The following UGT1A9 variants were observed in gnomAD, a reference collection of about 807,000 sequenced individuals.
UGT1A9 encodes UDP-glucuronosyltransferase 1A9.
A neutral mutation model predicts 45.0 loss-of-function variants in UGT1A9; 35 were observed. The ratio of observed to expected loss-of-function variants is 0.78; its 90% CI spans 0.59 to 1.03. The LOEUF (loss-of-function observed/expected upper bound fraction) is 1.03. Ranked by LOEUF, UGT1A9 falls within the 50% of genes least tolerant of loss-of-function variation. UGT1A9 has a pLI of 0.00. For missense variants in UGT1A9, 687 were observed against 666.6 expected, an observed-to-expected ratio of 1.03 and a Z score of -0.34; for synonymous variants, 278 against 250.6, an observed-to-expected ratio of 1.11 and a Z score of -1.03.
intron 1 of UGT1A9, among the ~76,000 whole-genome samples, chr2:233,744,623 G>T (rs1465647088): frequency 6.6e-6 from 1 of 151,866 alleles, no homozygotes; most frequent in Admixed American, 6.5e-5. Flanking sequence ...CTATAGAGAG[G>T]TGGATTCTCA....
At chr2:233,682,236 C>T (rs182095678) in intron 1 of UGT1A9, 1 of 1,614,196 alleles carries the variant, frequency 6.2e-7, no homozygotes, top group African/African-American at 1.3e-5. Context: ...CGCTGGACGG[C>T]ACCATTGCGA....
At chr2:233,725,956 A>C (rs1405968247) in intron 1 of UGT1A9, among the ~76,000 whole-genome samples, 2 of 152,278 alleles carry the variant, frequency 1.3e-5, no homozygotes, top group East Asian at 3.9e-4. Flanking sequence ...GTTTGAGCCC[A>C]GGAGTCTGAG....
chr2:233,746,436 G>C (rs1200457799), intron 1 of UGT1A9, among the ~76,000 whole-genome samples: 1 of 151,690 alleles, frequency 6.6e-6, no homozygotes, highest in Non-Finnish European at 1.5e-5. Context: ...TATGTCTTCA[G>C]CTTAAAAAGA....
Position 233,773,149 on chromosome 2 carries a change from G to A in UGT1A9, c.*590G>A, listed in dbSNP as rs1700568248. On this transcript the variant is annotated 3_prime_UTR_variant, in exon 5 of 5. Coordinates refer to ENST00000354728, the MANE Select transcript of UGT1A9 (RefSeq NM_021027.3). ...AAGAATGATGCTATGAAATTGGTGG[G>A]TGGTGTATTTGAGAAGATAATCATT... 1 of 154,230 alleles carries A rather than the reference G, an allele frequency of 6.5e-6. No individual in the cohort carries two copies. The highest frequency in any genetic ancestry group is 6.4e-5 in the Admixed American group (1 of 15,708). The allele number at this position is 154,230 out of a possible 1,614,324, so 9.6% of individuals were successfully genotyped here.
At chr2:233,693,703 A>G (rs1559346623) in intron 1 of UGT1A9, 1 of 1,614,248 alleles carries the variant, frequency 6.2e-7, no homozygotes, top group Non-Finnish European at 8.5e-7. Flanking sequence ...AAGAACTCGC[A>G]TCAGCTGTCC....
intron 1 of UGT1A9, chr2:233,692,749 C>T: frequency 9.0e-7 from 1 of 1,106,820 alleles, no homozygotes; most frequent in Middle Eastern, 3.4e-4. Context: ...GAGAAGCAGA[C>T]TTGTGGAGCT....
At chr2:233,757,625 G>T (rs550855781) in intron 1 of UGT1A9, among the ~76,000 whole-genome samples, 1 of 148,046 alleles carries the variant, frequency 6.8e-6, no homozygotes, top group East Asian at 2.0e-4. Context: ...AAAGATACAA[G>T]GCAGAACAGA....
At chr2:233,759,131 C>G (rs889675688) in intron 1 of UGT1A9, among the ~76,000 whole-genome samples, 5 of 152,174 alleles carry the variant, frequency 3.3e-5, no homozygotes, top group African/African-American at 9.6e-5. Context: ...GCCTCTGGTA[C>G]GCAATGAAGG....
At chr2:233,725,028 T>C (rs2077347799) in intron 1 of UGT1A9, among the ~76,000 whole-genome samples, 1 of 148,182 alleles carries the variant, frequency 6.7e-6, no homozygotes, top group African/African-American at 2.5e-5. Flanking sequence ...AAACCCGGTC[T>C]CCACCAAAAC....
At chr2:233,709,435 T>C (rs1036317154) in intron 1 of UGT1A9, among the ~76,000 whole-genome samples, 9 of 152,210 alleles carry the variant, frequency 5.9e-5, no homozygotes, top group Non-Finnish European at 8.8e-5. Context: ...CCAGAAAGGA[T>C]GACCTGCCGA....
At chr2:233,745,293 G>A (rs759714451) in intron 1 of UGT1A9, among the ~76,000 whole-genome samples, 20 of 151,866 alleles carry the variant, frequency 1.3e-4, no homozygotes, top group African/African-American at 4.4e-4. Flanking sequence ...GGGGATAAAC[G>A]TGGGATGCAG....
intron 1 of UGT1A9, among the ~76,000 whole-genome samples, chr2:233,684,564 A>G (rs758881146): frequency 1.3e-5 from 2 of 152,244 alleles, no homozygotes; most frequent in Non-Finnish European, 2.9e-5. Flanking sequence ...AGAGAGATCT[A>G]TAAAATATGA....
At chr2:233,750,988 G>A (rs946459693) in intron 1 of UGT1A9, among the ~76,000 whole-genome samples, 12 of 151,852 alleles carry the variant, frequency 7.9e-5, no homozygotes, top group Non-Finnish European at 1.3e-4. Context: ...GTGAGAAGGC[G>A]GCCACCATCC....
chr2:233,733,374 C>T (rs1046101046), intron 1 of UGT1A9, among the ~76,000 whole-genome samples: 17 of 152,240 alleles, frequency 1.1e-4, no homozygotes, highest in Middle Eastern at 3.4e-3. Context: ...AGAGGTCATC[C>T]TTGTTTTGTG....
intron 1 of UGT1A9, among the ~76,000 whole-genome samples, chr2:233,695,422 CCTTCTT>C (rs34487948): frequency 6.6e-6 from 1 of 150,952 alleles, no homozygotes; most frequent in African/African-American, 2.4e-5. Flanking sequence ...CCGCGCCCGG[CCTTCTT>C]CTTCTTCTTT....
chr2:233,726,544 G>A (rs543814105), intron 1 of UGT1A9, among the ~76,000 whole-genome samples: 35 of 152,224 alleles, frequency 2.3e-4, no homozygotes, highest in Non-Finnish European at 4.0e-4. Flanking sequence ...GCAGTGCAGC[G>A]TCTTCAAGTC....
chr2:233,740,012 T>A (rs1691282549), intron 1 of UGT1A9, among the ~76,000 whole-genome samples: 1 of 151,864 alleles, frequency 6.6e-6, no homozygotes, highest in African/African-American at 2.4e-5. Flanking sequence ...AAGTGAGTTC[T>A]CATGAGAGCT....
rs538829256 is a variant in UGT1A9 at position 233,747,779 on chromosome 2, T to C, written c.856-19255T>C. 9.3e-4 allele frequency: 1,506 copies of C among 1,613,500 alleles called. 1 individual carries two copies. The highest frequency in any genetic ancestry group is 1.2e-3 in the Non-Finnish European group (1,364 of 1,179,858). On this transcript the variant is annotated intron_variant, in intron 1 of 4. Coordinates refer to ENST00000354728, the MANE Select transcript of UGT1A9 (RefSeq NM_021027.3). ...ACTTTAAGGGCACACAGTGTCCAAA[T>C]CCTTCCTCCTATATTCCTAAGTTAC...
chr2:233,689,859 A>G (rs548633019), intron 1 of UGT1A9: 5 of 456,176 alleles, frequency 1.1e-5, no homozygotes, highest in South Asian at 6.2e-5. Flanking sequence ...TTAGGCTACT[A>G]TTACCTTCTT....
Sources: gnomAD v4.1 joint callset for allele counts (sites outside exome capture counted in the v4.1 genomes callset) on GRCh38, gnomAD v4.1.1 for gene constraint, MANE v1.5 for transcripts, NCBI Gene and HGNC (gene_info 2026-07-23, HGNC 2026-07-21) for gene names.